Variants in CA10 observed in about 807,000 individuals in gnomAD.
CA10 encodes the protein carbonic anhydrase 10 (inactive), also known as carbonic anhydrase-related protein 10.
Under a neutral mutation model 44.2 loss-of-function variants are expected in CA10, and 14 were observed. The ratio of observed to expected loss-of-function variants is 0.32; its 90% CI spans 0.21 to 0.50. The LOEUF (loss-of-function observed/expected upper bound fraction) is 0.50, where lower values mean the gene tolerates loss of function less well. CA10 is among the 20% of genes least tolerant of loss of function. The pLI, the probability that CA10 is intolerant of heterozygous loss-of-function variation, is 0.99. For synonymous variants in CA10, 159 were observed against 141.6 expected, an observed-to-expected ratio of 1.12 and a Z score of -0.87; for missense variants, 350 against 409.7, an observed-to-expected ratio of 0.85 and a Z score of 1.26.
intron 4 of CA10, among the ~76,000 whole-genome samples, chr17:51,682,025 G>A (rs1002405228): frequency 6.6e-6 from 1 of 152,142 alleles, no homozygotes; most frequent in African/African-American, 2.4e-5. Context: ...CAAGCTCTAT[G>A]GTCTGTAAAT....
chr17:51,787,371 T>G (rs2083007435), intron 3 of CA10, among the ~76,000 whole-genome samples: 1 of 152,238 alleles, frequency 6.6e-6, no homozygotes, highest in African/African-American at 2.4e-5. Context: ...GTAGGTTGTA[T>G]GTGTTTAGGG....
In CA10 at chr17:51,988,471, A is replaced by G. The variant is rs527620916; in HGVS notation, c.137-57339T>C. Among the ~76,000 whole-genome samples, 4 of 152,130 alleles carry G rather than the reference A, an allele frequency of 2.6e-5. No individual in the cohort carries two copies. The South Asian group carries it at 8.3e-4, about 32-fold the overall frequency. Reference sequence around the variant, plus strand: ...TATTATTAGATGTTGAGTACCTATAAAACAGAATTTAAACAGTGGTTGTTT... The same window carrying G: ...TATTATTAGATGTTGAGTACCTATAGAACAGAATTTAAACAGTGGTTGTTT... On this transcript the variant is annotated intron_variant, in intron 2 of 8. Coordinates refer to ENST00000451037, the MANE Select transcript of CA10 (RefSeq NM_020178.5).
At chr17:52,110,056 A>G (rs1290954490) in intron 1 of CA10, among the ~76,000 whole-genome samples, 1 of 152,192 alleles carries the variant, frequency 6.6e-6, no homozygotes, top group Admixed American at 6.5e-5. Context: ...AACACAAAGC[A>G]TAAAATACCC....
At chr17:51,814,758 T>C (rs989190619) in intron 3 of CA10, among the ~76,000 whole-genome samples, 16 of 152,308 alleles carry the variant, frequency 1.1e-4, no homozygotes, top group African/African-American at 3.6e-4. Flanking sequence ...CCTCTGTCCA[T>C]AACAAATTTA....
chr17:51,637,182 A>G (rs1912870849), intron 6 of CA10, among the ~76,000 whole-genome samples: 1 of 151,986 alleles, frequency 6.6e-6, no homozygotes, highest in African/African-American at 2.4e-5. Flanking sequence ...CAAAAATACC[A>G]TACTTAGTAT....
At chr17:52,068,588 C>A (rs994829442) in intron 2 of CA10, among the ~76,000 whole-genome samples, 3 of 152,170 alleles carry the variant, frequency 2.0e-5, no homozygotes, top group Non-Finnish European at 4.4e-5. Context: ...AGATGCCTGG[C>A]CCTGGAAGAC....
At chr17:52,137,560 A>G (rs982593493) in intron 1 of CA10, among the ~76,000 whole-genome samples, 5 of 152,338 alleles carry the variant, frequency 3.3e-5, no homozygotes, top group African/African-American at 1.2e-4. Flanking sequence ...CCTGGTATCT[A>G]TGAACTTCTT....
chr17:51,754,351 AAAG>A (rs1486232335), intron 3 of CA10, among the ~76,000 whole-genome samples: 3 of 145,234 alleles, frequency 2.1e-5, no homozygotes, highest in African/African-American at 7.6e-5. Flanking sequence ...CGGGTAAAAT[AAAG>A]AGACAACACA....
intron 2 of CA10, among the ~76,000 whole-genome samples, chr17:51,966,642 G>A (rs1984091042): frequency 6.6e-6 from 1 of 151,780 alleles, no homozygotes; most frequent in Non-Finnish European, 1.5e-5. Context: ...TGGGATAGCT[G>A]GTTAGCTGTA....
chr17:51,972,776 G>GAA (rs568126311), intron 2 of CA10, among the ~76,000 whole-genome samples: 3 of 143,796 alleles, frequency 2.1e-5, no homozygotes, highest in Non-Finnish European at 4.6e-5. Flanking sequence ...AAGTAATAAA[G>GAA]AAAAAAAAAA....
At chr17:51,914,140 T>C (rs931982135) in intron 3 of CA10, among the ~76,000 whole-genome samples, 1 of 152,140 alleles carries the variant, frequency 6.6e-6, no homozygotes, top group Non-Finnish European at 1.5e-5. Context: ...GAAATGTGCC[T>C]ATTACGGTTT....
chr17:51,961,290 G>T (rs1490138361), intron 2 of CA10, among the ~76,000 whole-genome samples: 1 of 151,440 alleles, frequency 6.6e-6, no homozygotes, highest in Non-Finnish European at 1.5e-5. Flanking sequence ...TGCATTTAAA[G>T]CTTTAGAGAA....
intron 4 of CA10, among the ~76,000 whole-genome samples, chr17:51,698,822 GCCTGGCTTATAT>G (rs1915488804): frequency 6.6e-6 from 1 of 152,066 alleles, no homozygotes; most frequent in African/African-American, 2.4e-5. Context: ...GCTTTTCTGT[GCCTGGCTTATAT>G]CACTTAGCCT....
chr17:51,952,806 G>T (rs1405958590), intron 2 of CA10, among the ~76,000 whole-genome samples: 1 of 152,078 alleles, frequency 6.6e-6, no homozygotes, highest in Non-Finnish European at 1.5e-5. Flanking sequence ...AGCACACACT[G>T]CCTTTATTTC....
At chr17:51,756,848 G>C (rs183767093) in intron 3 of CA10, among the ~76,000 whole-genome samples, 1 of 152,152 alleles carries the variant, frequency 6.6e-6, no homozygotes, top group East Asian at 1.9e-4. Flanking sequence ...ATGTCTGCAT[G>C]GATATGCCAG....
At chr17:51,850,096 T>A (rs1233870986) in intron 3 of CA10, among the ~76,000 whole-genome samples, 1 of 152,206 alleles carries the variant, frequency 6.6e-6, no homozygotes, top group Non-Finnish European at 1.5e-5. Flanking sequence ...AAAACAAAAG[T>A]TAAACCATAA....
chr17:51,775,618 T>C (rs1905789828), intron 3 of CA10, among the ~76,000 whole-genome samples: 1 of 152,186 alleles, frequency 6.6e-6, no homozygotes, highest in African/African-American at 2.4e-5. Context: ...ATCAAGTATG[T>C]ATTTTAGTGG....
Position 51,997,259 on chromosome 17 carries a change from G to A in CA10, c.137-66127C>T, listed in dbSNP as rs185284907. On this transcript the variant is annotated intron_variant, in intron 2 of 8. Transcript: ENST00000451037. ...TTGTTGGCTATATTTTTCTGCACTTGTTCATAAGCTTTGTAATGAGTCATT... is the reference window on the plus strand; with the variant it reads ...TTGTTGGCTATATTTTTCTGCACTTATTCATAAGCTTTGTAATGAGTCATT... 5.9e-5 allele frequency among the ~76,000 whole-genome samples: 9 copies of A among 152,128 alleles called. No homozygotes were observed. The East Asian group carries it at 1.7e-3, about 30-fold the overall frequency.
chr17:51,937,938 G>A (rs1378510361), intron 2 of CA10, among the ~76,000 whole-genome samples: 1 of 152,108 alleles, frequency 6.6e-6, no homozygotes, highest in African/African-American at 2.4e-5. Context: ...TCCTCAAACA[G>A]AGATATACTA....
Sources: gnomAD v4.1 joint callset for allele counts (sites outside exome capture counted in the v4.1 genomes callset) on GRCh38, gnomAD v4.1.1 for gene constraint, MANE v1.5 for transcripts, NCBI Gene and HGNC (gene_info 2026-07-23, HGNC 2026-07-21) for gene names.